The following PTPRN2 variants were observed in gnomAD, a reference collection of about 807,000 sequenced individuals.
PTPRN2 encodes protein tyrosine phosphatase receptor type N2, also known as receptor-type tyrosine-protein phosphatase N2.
A neutral mutation model predicts 118.8 loss-of-function variants in PTPRN2; 74 were observed. The observed-to-expected ratio is 0.62, with a 90% CI of 0.52 to 0.76. PTPRN2 has a LOEUF of 0.76. Among genes scored for constraint, PTPRN2 ranks in the 30% least tolerant of loss-of-function variants. The pLI is 0.00. For synonymous variants in PTPRN2, 641 were observed against 608.0 expected (o/e 1.05, Z -0.80); for missense variants, 1,481 against 1,394.4 (o/e 1.06, Z -0.99).
intron 5 of PTPRN2, among the ~76,000 whole-genome samples, chr7:158,171,312 T>TATATATATATACATAC (rs1823654975): frequency 6.3e-5 from 2 of 31,882 alleles, no homozygotes; most frequent in African/African-American, 2.1e-4. Context: ...TACACACATA[T>TATATATATATACATAC]ATATATATAT....
intron 1 of PTPRN2, among the ~76,000 whole-genome samples, chr7:158,540,861 G>A (rs1244908903): frequency 6.6e-6 from 1 of 152,218 alleles, no homozygotes; most frequent in Non-Finnish European, 1.5e-5. Flanking sequence ...AGGTCACCAA[G>A]GCCAATGTGC....
intron 1 of PTPRN2, among the ~76,000 whole-genome samples, chr7:158,542,752 A>T (rs1394620702): frequency 2.0e-5 from 3 of 152,198 alleles, no homozygotes; most frequent in Admixed American, 6.5e-5. Flanking sequence ...TACGACATTG[A>T]TGTGGGTCAA....
At chr7:158,238,762 T>C (rs1383382323) in intron 3 of PTPRN2, among the ~76,000 whole-genome samples, 2 of 152,058 alleles carry the variant, frequency 1.3e-5, no homozygotes, top group Admixed American at 6.5e-5. Flanking sequence ...GATTCAGTCC[T>C]GAGGGGCAGA....
chr7:157,715,864 C>G (rs1347387562), intron 12 of PTPRN2, among the ~76,000 whole-genome samples: 3 of 152,236 alleles, frequency 2.0e-5, no homozygotes, highest in African/African-American at 7.2e-5. Context: ...CAGGGCAGCA[C>G]TCCAGGCAGG....
At chr7:158,084,428 T>C (rs1813096445) in intron 10 of PTPRN2, among the ~76,000 whole-genome samples, 1 of 152,172 alleles carries the variant, frequency 6.6e-6, no homozygotes, top group African/African-American at 2.4e-5. Flanking sequence ...TCTGCCATCT[T>C]GTTCAGCTTT....
At chr7:157,980,330 A>G (rs1356916465) in intron 11 of PTPRN2, among the ~76,000 whole-genome samples, 1 of 152,256 alleles carries the variant, frequency 6.6e-6, no homozygotes, top group African/African-American at 2.4e-5. Flanking sequence ...ACTTACAGGG[A>G]AGAACATTCT....
chr7:158,028,540 G>A (rs873702), intron 11 of PTPRN2: 2,461 of 152,512 alleles, frequency 0.016, 92 homozygotes, highest in East Asian at 0.14. Flanking sequence ...GGAGAGAACC[G>A]CAAGCCAGGA....
chr7:157,760,217 G>A (rs898051965), intron 12 of PTPRN2, among the ~76,000 whole-genome samples: 3 of 152,090 alleles, frequency 2.0e-5, no homozygotes, highest in African/African-American at 7.2e-5. Flanking sequence ...AGGGGGTTCT[G>A]CGCCCTGCCC....
At chr7:158,459,364 CCCGCT>C (rs1328685078) in intron 2 of PTPRN2, among the ~76,000 whole-genome samples, 5 of 120,742 alleles carry the variant, frequency 4.1e-5, no homozygotes, top group African/African-American at 9.2e-5. Context: ...ATCCAGAGGC[CCCGCT>C]TGGGACGAAC....
intron 17 of PTPRN2, among the ~76,000 whole-genome samples, chr7:157,586,308 C>T (rs1009265296): frequency 2.6e-5 from 4 of 152,170 alleles, no homozygotes; most frequent in South Asian, 2.1e-4. Context: ...CATTTCCCCC[C>T]GCTAACCTCC....
At position 158,138,521 on chromosome 7, in the gene PTPRN2, G is replaced by A. The variant is rs747599571; in HGVS notation, c.911-6C>T. The A allele has an allele frequency of 1.9e-6, 3 of 1,607,912 alleles. No individual in the cohort carries two copies. Among genetic ancestry groups the A allele is most frequent in the South Asian group, 2.2e-5 (2 of 91,034 alleles). On this transcript the variant is annotated splice_polypyrimidine_tract_variant and splice_region_variant and intron_variant, in intron 6 of 22. Transcript: ENST00000389418. ...GAGGGTATGAATCCGTGCTCCTAGG[G>A]GCACACACACAAACACAAGGACGTT...
intron 10 of PTPRN2, among the ~76,000 whole-genome samples, chr7:158,087,443 A>G (rs7780849): frequency 0.83 from 126,907 of 152,132 alleles, 53,492 homozygotes; most frequent in Middle Eastern, 0.94. Flanking sequence ...AAGAGCAGGA[A>G]GAGTTTCTGA....
At chr7:158,118,230 G>C (rs898511674) in intron 9 of PTPRN2, among the ~76,000 whole-genome samples, 2 of 152,118 alleles carry the variant, frequency 1.3e-5, no homozygotes, top group Non-Finnish European at 2.9e-5. Context: ...CAATGTATAA[G>C]GATGCAATTT....
intron 11 of PTPRN2, among the ~76,000 whole-genome samples, chr7:157,942,550 C>T (rs555915121): frequency 2.6e-5 from 4 of 152,012 alleles, no homozygotes; most frequent in South Asian, 2.1e-4. Flanking sequence ...CAAGCAGGAG[C>T]GATGATCAGA....
intron 4 of PTPRN2, among the ~76,000 whole-genome samples, chr7:158,198,414 A>G (rs1017784507): frequency 2.6e-5 from 4 of 152,214 alleles, no homozygotes; most frequent in African/African-American, 9.7e-5. Flanking sequence ...TCCCTTCTCC[A>G]TTGGCACACA....
Position 158,070,756 on chromosome 7 carries a change from GTGGTGGAGGTGCTCA to G in PTPRN2, c.1723+10527_1723+10541del, listed in dbSNP as rs1255224436. Among the ~76,000 whole-genome samples the G allele has an allele frequency of 1.0e-3, 136 of 130,444 alleles. 1 individual carries two copies. The highest frequency in any genetic ancestry group is 1.5e-3 in the Non-Finnish European group (92 of 62,374). The allele number at this position is 130,444 out of a possible 152,430, so 85.6% of individuals were successfully genotyped here. On this transcript the variant is annotated intron_variant, in intron 11 of 22. Transcript: ENST00000389418. ...GCCCGTGGTGGTGGAGGTGCCCGTG[GTGGTGGAGGTGCTCA>G]TGGTGGAGGTGCCCGTGGTGGTGGA...
intron 14 of PTPRN2, among the ~76,000 whole-genome samples, chr7:157,630,670 G>A (rs974564616): frequency 1.3e-5 from 2 of 152,198 alleles, no homozygotes; most frequent in Admixed American, 1.3e-4. Context: ...AACTCGAAGT[G>A]TGCCTGCATG....
intron 6 of PTPRN2, among the ~76,000 whole-genome samples, chr7:158,151,021 C>T (rs865934372): frequency 3.3e-5 from 5 of 151,086 alleles, no homozygotes; most frequent in South Asian, 2.1e-4. Context: ...TGCGGGAAGC[C>T]AGGCCCTGTC....
At chr7:158,459,467 G>A (rs907309192) in intron 2 of PTPRN2, among the ~76,000 whole-genome samples, 3 of 152,142 alleles carry the variant, frequency 2.0e-5, no homozygotes, top group African/African-American at 7.2e-5. Flanking sequence ...CCAGGGGCCC[G>A]CAAAAGGACG....
Sources: allele counts gnomAD v4.1 joint callset (sites outside exome capture counted in the v4.1 genomes callset), GRCh38; gene constraint gnomAD v4.1.1; transcripts MANE v1.5; gene names NCBI Gene and HGNC (gene_info 2026-07-23, HGNC 2026-07-21).